Variants in MAP3K4 observed in about 807,000 individuals in gnomAD.
MAP3K4 encodes the protein mitogen-activated protein kinase kinase kinase 4.
A neutral mutation model predicts 185.6 loss-of-function variants in MAP3K4; 67 were observed. The ratio of observed to expected loss-of-function variants is 0.36; its 90% CI spans 0.30 to 0.44. The LOEUF (loss-of-function observed/expected upper bound fraction) is 0.44. Among genes scored for constraint, MAP3K4 ranks in the 20% least tolerant of loss-of-function variants. MAP3K4 has a pLI of 1.00. For missense variants in MAP3K4, 1,551 were observed against 1,995.1 expected (o/e 0.78, Z 4.24); for synonymous variants, 702 against 710.4 (o/e 0.99, Z 0.19).
chr6:161,016,873 A>G (rs1782141193), intron 1 of MAP3K4, among the ~76,000 whole-genome samples: 1 of 152,180 alleles, frequency 6.6e-6, no homozygotes, highest in Admixed American at 6.5e-5. Flanking sequence ...AGCTTTTTGT[A>G]AATATTTATT....
intron 1 of MAP3K4, among the ~76,000 whole-genome samples, chr6:161,006,616 A>G (rs1384854503): frequency 6.6e-6 from 1 of 152,200 alleles, no homozygotes; most frequent in Non-Finnish European, 1.5e-5. Context: ...GGATGGCTGT[A>G]CTTATCTGCG....
chr6:161,072,625 A>G (rs562018298), intron 4 of MAP3K4, among the ~76,000 whole-genome samples: 32 of 152,252 alleles, frequency 2.1e-4, no homozygotes, highest in Non-Finnish European at 4.6e-4. Flanking sequence ...ATAATAGTAT[A>G]TAGATGAGTC....
rs370613797 is a variant in MAP3K4, at chr6:160,991,906, G to T, written c.-26G>T. 3.0e-3 allele frequency: 4,477 copies of T among 1,495,004 alleles called. 142 individuals are homozygous for T. In the African/African-American group the frequency reaches 0.059, roughly 20 times the overall value. 92.6% of individuals were successfully genotyped at this position (1,495,004 alleles called of 1,614,324 possible). On this transcript the variant is annotated 5_prime_UTR_variant, in exon 1 of 27. Coordinates refer to ENST00000392142, the MANE Select transcript of MAP3K4 (RefSeq NM_005922.4). This position sits in a 1 kb window ranked among gnomAD's most constrained non-coding sequence, Gnocchi z 5.7. ...GCCAGGCTGCAGCTTACTGCCCGCC[G>T]CGGCCATGCGGGGCTCCGTGCACGG...
chr6:161,070,968 CTG>C lies in MAP3K4; in HGVS notation c.1950+120_1950+121del. 1 of 971,444 alleles carries C rather than the reference CTG, an allele frequency of 1.0e-6. No homozygotes were observed. Among genetic ancestry groups the C allele is most frequent in the Non-Finnish European group, 1.5e-6 (1 of 683,328 alleles). 60.2% of individuals were successfully genotyped at this position (971,444 alleles called of 1,614,324 possible). ...AATTGTCGCAAATAGTGAAAAATGA[CTG>C]TTTGTCCATGGTTTTAAGCTGTATA... is the stretch of plus-strand genomic sequence containing the variant. On this transcript the variant is annotated intron_variant, in intron 4 of 26. Transcript: ENST00000392142. This position sits in a 1 kb window ranked among gnomAD's most constrained non-coding sequence, Gnocchi z 4.5.
At position 161,111,918 on chromosome 6, in the gene MAP3K4, G is replaced by C; in HGVS notation, c.4479G>C (p.Gln1493His). ...GCSVKLKNNAQTMPGEVNSTL... is the reference protein window; with the variant it reads ...GCSVKLKNNAHTMPGEVNSTL... ...CAGTAAAGCTCAAAAACAATGCCCA[G>C]ACCATGCCTGGTGAAGTGAACAGCA... The change falls in exon 24 of 27, where the codon CAG becomes CAC. Residue 1493 changes from glutamine to histidine, a missense_variant. Gln to His is a conservative substitution (Grantham distance 24). Transcript: ENST00000392142. The C allele has an allele frequency of 1.2e-6, 2 of 1,614,184 alleles. No homozygotes were observed. Among genetic ancestry groups the C allele is most frequent in the East Asian group, 4.5e-5 (2 of 44,880 alleles).
intron 2 of MAP3K4, among the ~76,000 whole-genome samples, chr6:161,044,892 G>A (rs138403242): frequency 2.6e-5 from 4 of 152,224 alleles, no homozygotes; most frequent in South Asian, 2.1e-4. Flanking sequence ...GCTGGTTCCC[G>A]TGGGGAGGGC....
rs1785408404 is a variant in MAP3K4, at chr6:161,080,676, G to A, written c.2098-205G>A. On this transcript the variant is annotated intron_variant, in intron 5 of 26. Coordinates refer to ENST00000392142, the MANE Select transcript of MAP3K4 (RefSeq NM_005922.4). The surrounding 1 kb of genome is among the most constrained non-coding windows in gnomAD (Gnocchi z 4.8). ...TTGTCAATAATATGTTAAATTGCTG[G>A]GGAGTTAGTTTTGTGATTTTTTAAA... The A allele has an allele frequency of 1.9e-6, 1 of 518,344 alleles. No homozygotes were observed. The highest frequency in any genetic ancestry group is 3.6e-5 in the Admixed American group (1 of 27,596). The allele number at this position is 518,344 out of a possible 1,614,324, so 32.1% of individuals were successfully genotyped here.
rs1432725268 is a variant in MAP3K4, at chr6:161,007,895, GGGTAC to G, written c.152+15816_152+15820del. ...CAGTGCTTTTTTTATATCAGTTGTAGGGTACGGTGAAATATCAGAGATGTTAAAAT... is the reference window on the plus strand; with the variant it reads ...CAGTGCTTTTTTTATATCAGTTGTAGGGTGAAATATCAGAGATGTTAAAAT... On this transcript the variant is annotated intron_variant, in intron 1 of 26. Coordinates refer to ENST00000392142, the MANE Select transcript of MAP3K4 (RefSeq NM_005922.4). The surrounding 1 kb of genome is among the most constrained non-coding windows in gnomAD (Gnocchi z 4.5). Among the ~76,000 whole-genome samples, 2 of 152,200 alleles carry G rather than the reference GGGTAC, an allele frequency of 1.3e-5. No individual in the cohort carries two copies. The highest frequency in any genetic ancestry group is 2.9e-5 in the Non-Finnish European group (2 of 68,032).
At chr6:160,992,852 A>T (rs1780801005) in intron 1 of MAP3K4, among the ~76,000 whole-genome samples, 1 of 151,972 alleles carries the variant, frequency 6.6e-6, no homozygotes, top group African/African-American at 2.4e-5. Context: ...ACTCACCATA[A>T]CTGAGAATTT....
rs6905734 is a variant in MAP3K4 at position 161,097,349 on chromosome 6, A to G, written c.3524+173A>G. On this transcript the variant is annotated intron_variant, in intron 16 of 26. Coordinates refer to ENST00000392142, the MANE Select transcript of MAP3K4 (RefSeq NM_005922.4). The surrounding 1 kb of genome is among the most constrained non-coding windows in gnomAD (Gnocchi z 4.9). ...AAACCTTTAGTCGCAAAAGAAAAAG[A>G]CATGCAAATTTAAAACAGACCTGTG... Among the ~76,000 whole-genome samples the G allele has an allele frequency of 0.76, 115,179 of 152,212 alleles. 44,494 individuals carry two copies. Among genetic ancestry groups the G allele is most frequent in the East Asian group, 0.97 (5,035 of 5,190 alleles).
chr6:161,098,994 C>T lies in MAP3K4; in HGVS notation c.3674+567C>T, dbSNP rs183158727. 5.3e-5 allele frequency among the ~76,000 whole-genome samples: 8 copies of T among 152,326 alleles called. No homozygotes were observed. The East Asian group carries it at 1.5e-3, about 29-fold the overall frequency. ...GGCAAGCCCCAGAACAATTAAGTCT[C>T]GCATTGTCTTTTGTGTAAGTAAGGA... On this transcript the variant is annotated intron_variant, in intron 17 of 26. Transcript: ENST00000392142. The surrounding 1 kb of genome is among the most constrained non-coding windows in gnomAD (Gnocchi z 4.4).
chr6:161,090,171 C>G lies in MAP3K4; in HGVS notation c.2973+700C>G, dbSNP rs921612526. On this transcript the variant is annotated intron_variant, in intron 11 of 26. Coordinates refer to ENST00000392142, the MANE Select transcript of MAP3K4 (RefSeq NM_005922.4). ...TGTTGGTCTGATTTGTCTGATTTAT[C>G]TATAAACATTTATTAACTAAATATT... Among the ~76,000 whole-genome samples the G allele has an allele frequency of 4.6e-5, 7 of 152,200 alleles. No homozygotes were observed. The East Asian group carries it at 5.8e-4, about 13-fold the overall frequency.
intron 25 of MAP3K4, among the ~76,000 whole-genome samples, chr6:161,113,288 C>T (rs1369611264): frequency 6.6e-6 from 1 of 152,176 alleles, no homozygotes; most frequent in East Asian, 1.9e-4. Flanking sequence ...AGCCTGCACA[C>T]TGAGCGATTC....
rs934527073 is a variant in MAP3K4, at chr6:161,008,261, G to T, written c.152+16178G>T. Among the ~76,000 whole-genome samples the T allele has an allele frequency of 6.6e-6, 1 of 152,090 alleles. No individual in the cohort carries two copies. Among genetic ancestry groups the T allele is most frequent in the African/African-American group, 2.4e-5 (1 of 41,404 alleles). On this transcript the variant is annotated intron_variant, in intron 1 of 26. Transcript: ENST00000392142. This position sits in a 1 kb window ranked among gnomAD's most constrained non-coding sequence, Gnocchi z 4.1. ...TCTTAATTTAACCAGTCTTTTGTCG[G>T]ACTCTTAGGATGTTTCTGTTTCTTT...
chr6:161,031,655 C>T (rs1782935235), intron 1 of MAP3K4, among the ~76,000 whole-genome samples: 2 of 152,218 alleles, frequency 1.3e-5, no homozygotes, highest in Admixed American at 1.3e-4. Flanking sequence ...TCATCATCCA[C>T]ACAGTACTGC....
chr6:161,015,702 G>A (rs1782067641), intron 1 of MAP3K4, among the ~76,000 whole-genome samples: 1 of 152,080 alleles, frequency 6.6e-6, no homozygotes, highest in Admixed American at 6.5e-5. Flanking sequence ...GCGGGGCGGG[G>A]GGAAGGTGCC....
At chr6:161,039,027 G>A (rs1037186987) in intron 2 of MAP3K4, among the ~76,000 whole-genome samples, 3 of 152,258 alleles carry the variant, frequency 2.0e-5, no homozygotes, top group East Asian at 3.9e-4. Flanking sequence ...AGACTGAGGT[G>A]GAAATCGCAG....
In MAP3K4 at chr6:161,027,636, C is replaced by T. The variant is rs566780044; in HGVS notation, c.153-6623C>T. Among the ~76,000 whole-genome samples, 9 of 152,238 alleles carry T rather than the reference C, an allele frequency of 5.9e-5. No homozygotes were observed. The East Asian group carries it at 7.7e-4, about 13-fold the overall frequency. ...GACTCGGAACTTCCATCAGTGGACC[C>T]GCACTAAAAGACAAGGCTGTAGCCC... On this transcript the variant is annotated intron_variant, in intron 1 of 26. Coordinates refer to ENST00000392142, the MANE Select transcript of MAP3K4 (RefSeq NM_005922.4).
Position 161,108,085 on chromosome 6 carries a change from C to A in MAP3K4, c.4119+116C>A. On this transcript the variant is annotated intron_variant, in intron 21 of 26. Coordinates refer to ENST00000392142, the MANE Select transcript of MAP3K4 (RefSeq NM_005922.4). The surrounding 1 kb of genome is among the most constrained non-coding windows in gnomAD (Gnocchi z 5.7). ...TGCGTAGAGCTGTCTTCAGCACCAG[C>A]ACTGCGACAGTCAGGACCAACCAGG... 2.3e-6 allele frequency: 2 copies of A among 868,434 alleles called. No homozygotes were observed. Among genetic ancestry groups the A allele is most frequent in the Non-Finnish European group, 3.6e-6 (2 of 560,710 alleles). 53.8% of individuals were successfully genotyped at this position (868,434 alleles called of 1,614,324 possible). A position where few individuals can be genotyped will look rare whatever the true frequency, so the allele number is the denominator to read the frequency against.
Sources: allele counts gnomAD v4.1 joint callset (sites outside exome capture counted in the v4.1 genomes callset), GRCh38; gene constraint gnomAD v4.1.1; non-coding constraint Gnocchi (gnomAD v3.1); transcripts MANE v1.5; gene names NCBI Gene and HGNC (gene_info 2026-07-23, HGNC 2026-07-21).